PPP1R12B: variants seen among roughly 807,000 people sequenced by gnomAD.
PPP1R12B encodes the protein myosin phosphatase target subunit 2.
In PPP1R12B, 76 loss-of-function variants were observed where a neutral mutation model predicts 126.1. That is an observed-to-expected ratio of 0.60 (90% CI 0.50 to 0.73). The LOEUF (loss-of-function observed/expected upper bound fraction) is 0.73. PPP1R12B is among the 30% of genes least tolerant of loss of function. The pLI, the probability that PPP1R12B is intolerant of heterozygous loss-of-function variation, is 0.00. For synonymous variants in PPP1R12B, 356 were observed against 434.7 expected (o/e 0.82, Z 2.25); for missense variants, 1,052 against 1,205.1 (o/e 0.87, Z 1.88).
chr1:202,374,158 T>C (rs1660757637), intron 1 of PPP1R12B, among the ~76,000 whole-genome samples: 1 of 152,170 alleles, frequency 6.6e-6, no homozygotes, highest in Non-Finnish European at 1.5e-5. Flanking sequence ...ATTCTCATTA[T>C]CTTTCCTTGA....
intron 8 of PPP1R12B, among the ~76,000 whole-genome samples, chr1:202,432,242 A>G (rs1031182980): frequency 6.6e-6 from 1 of 151,694 alleles, no homozygotes; most frequent in Non-Finnish European, 1.5e-5. Flanking sequence ...CTTTATGGCT[A>G]TTATTGATAA....
Position 202,427,057 on chromosome 1 carries a change from G to C in PPP1R12B, c.719G>C (p.Gly240Ala). 1.2e-6 allele frequency: 2 copies of C among 1,612,902 alleles called. No individual in the cohort carries two copies. The highest frequency in any genetic ancestry group is 1.7e-6 in the Non-Finnish European group (2 of 1,179,766). The change falls in exon 5 of 24, where the codon GGC becomes GCC. Residue 240 changes from glycine to alanine, a missense_variant. Coordinates refer to ENST00000608999, the MANE Select transcript of PPP1R12B (RefSeq NM_002481.4). ...CTTTTTAGACTTTTAATTCAGGCTG[G>C]CTATGAACTCAATGTTCAGGATTAT... ...SEVLRLLIQA[G>A]YELNVQDYDG...
chr1:202,489,820 A>G (rs1360229251), intron 14 of PPP1R12B, among the ~76,000 whole-genome samples: 1 of 152,230 alleles, frequency 6.6e-6, no homozygotes, highest in Non-Finnish European at 1.5e-5. Flanking sequence ...ATACTTTCAA[A>G]TGGTGAGGTT....
intron 18 of PPP1R12B, among the ~76,000 whole-genome samples, chr1:202,506,446 C>G (rs2148884695): frequency 6.6e-6 from 1 of 152,212 alleles, no homozygotes; most frequent in South Asian, 2.1e-4. Flanking sequence ...CCTTTGAGAC[C>G]CTGTAATTTT....
chr1:202,442,387 A>G (rs1026611769), intron 11 of PPP1R12B, 60 bp from the exon 12 acceptor site: 43 of 1,568,382 alleles, frequency 2.7e-5, no homozygotes, highest in Non-Finnish European at 3.6e-5. Context: ...TCTGCATTGT[A>G]TCATGGACAA....
intron 1 of PPP1R12B, among the ~76,000 whole-genome samples, chr1:202,367,101 C>T (rs1261346037): frequency 1.3e-5 from 2 of 152,130 alleles, no homozygotes; most frequent in African/African-American, 4.8e-5. Context: ...TAATACAATA[C>T]AAAATTTTAT....
At chr1:202,455,791 C>G (rs1014759645) in intron 13 of PPP1R12B, among the ~76,000 whole-genome samples, 2 of 152,162 alleles carry the variant, frequency 1.3e-5, no homozygotes, top group East Asian at 3.8e-4. Flanking sequence ...AGTACCATGA[C>G]GTGACCTATA....
chr1:202,497,455 G>T (rs1350360418), intron 18 of PPP1R12B, among the ~76,000 whole-genome samples: 1 of 152,146 alleles, frequency 6.6e-6, no homozygotes, highest in Non-Finnish European at 1.5e-5. Context: ...TAAATTAATT[G>T]AAATACATGT....
chr1:202,538,821 G>A (rs1434808887), intron 18 of PPP1R12B, among the ~76,000 whole-genome samples: 2 of 152,138 alleles, frequency 1.3e-5, no homozygotes, highest in Non-Finnish European at 2.9e-5. Flanking sequence ...CGTTTTCCCT[G>A]TACTACTGAG....
At chr1:202,395,970 T>A (rs1300248032) in intron 1 of PPP1R12B, among the ~76,000 whole-genome samples, 1 of 152,254 alleles carries the variant, frequency 6.6e-6, no homozygotes, top group African/African-American at 2.4e-5. Context: ...CCCAGTCGTA[T>A]GTCCCTGGCC....
At chr1:202,460,674 A>G (rs761825138) in intron 13 of PPP1R12B, among the ~76,000 whole-genome samples, 4 of 152,230 alleles carry the variant, frequency 2.6e-5, no homozygotes, top group Non-Finnish European at 5.9e-5. Flanking sequence ...CTTCCTAAGT[A>G]TGAATATTGA....
At chr1:202,391,179 T>G (rs1290466433) in intron 1 of PPP1R12B, among the ~76,000 whole-genome samples, 1 of 150,584 alleles carries the variant, frequency 6.6e-6, no homozygotes, top group Non-Finnish European at 1.5e-5. Context: ...ATAAATAACT[T>G]AATAATAAGA....
In PPP1R12B at chr1:202,582,651, C is replaced by G. The variant is rs1196728980; in HGVS notation, c.*2091C>G. 6.6e-6 allele frequency: 1 copy of G among 152,558 alleles called. No individual in the cohort carries two copies. The highest frequency in any genetic ancestry group is 1.5e-5 in the Non-Finnish European group (1 of 68,052). 9.5% of individuals were successfully genotyped at this position (152,558 alleles called of 1,614,324 possible). A position where few individuals can be genotyped will look rare whatever the true frequency, so the allele number is the denominator to read the frequency against. On this transcript the variant is annotated 3_prime_UTR_variant, in exon 24 of 24. Transcript: ENST00000608999. ...CTGTAATCCCAGCACTTCAGGAGGC[C>G]GAGGTGGACAGATCACGAGGTCAGG...
chr1:202,566,120 G>A (rs913194565), intron 21 of PPP1R12B, among the ~76,000 whole-genome samples: 2 of 152,212 alleles, frequency 1.3e-5, no homozygotes, highest in Non-Finnish European at 2.9e-5. Flanking sequence ...CTCAGCGGAA[G>A]CTTCTGACAG....
At chr1:202,474,235 C>T (rs1262241889) in intron 13 of PPP1R12B, among the ~76,000 whole-genome samples, 1 of 151,706 alleles carries the variant, frequency 6.6e-6, no homozygotes, top group East Asian at 1.9e-4. Context: ...AAAATGAGAA[C>T]TTTGAGAAGA....
intron 3 of PPP1R12B, among the ~76,000 whole-genome samples, chr1:202,423,823 A>G (rs889168947): frequency 2.0e-5 from 3 of 152,048 alleles, no homozygotes; most frequent in African/African-American, 7.2e-5. Context: ...AGCTGGGACT[A>G]CAGGTGTGCA....
At chr1:202,545,220 A>G (rs1685528432) in intron 18 of PPP1R12B, among the ~76,000 whole-genome samples, 1 of 152,122 alleles carries the variant, frequency 6.6e-6, no homozygotes, top group Non-Finnish European at 1.5e-5. Flanking sequence ...GGGGTTTTTT[A>G]TTTCACTCAA....
At chr1:202,427,495 G>A (rs926985429) in intron 5 of PPP1R12B, among the ~76,000 whole-genome samples, 3 of 152,178 alleles carry the variant, frequency 2.0e-5, no homozygotes, top group African/African-American at 7.2e-5. Flanking sequence ...GGTGAGGTAT[G>A]AAAGATTTTA....
At position 202,377,849 on chromosome 1, in the gene PPP1R12B, T is replaced by G. The variant is rs1422006322; in HGVS notation, c.291+28707T>G. On this transcript the variant is annotated intron_variant, in intron 1 of 23. Transcript: ENST00000608999. ...AGACAGGTGTTTTTTTTTTTTTTTT[T>G]TTTTTTTTTTGAGACGGAGTCTCGC... Among the ~76,000 whole-genome samples the G allele has an allele frequency of 1.8e-4, 26 of 141,614 alleles. No individual in the cohort carries two copies. In the South Asian group the frequency reaches 2.7e-3, roughly 15 times the overall value. The allele number at this position is 141,614 out of a possible 152,430, so 92.9% of individuals were successfully genotyped here. A position where few individuals can be genotyped will look rare whatever the true frequency, so the allele number is the denominator to read the frequency against.
Sources: gnomAD v4.1 joint callset for allele counts (sites outside exome capture counted in the v4.1 genomes callset) on GRCh38, gnomAD v4.1.1 for gene constraint, MANE v1.5 for transcripts, NCBI Gene and HGNC (gene_info 2026-07-23, HGNC 2026-07-21) for gene names.